Variants in BTBD9 observed in about 807,000 individuals in gnomAD.
BTBD9 encodes BTB/POZ domain-containing protein 9.
BTBD9 carries 49 observed loss-of-function variants against 64.3 expected under a neutral mutation model. The observed-to-expected ratio is 0.76, with a 90% CI of 0.61 to 0.97. The LOEUF (loss-of-function observed/expected upper bound fraction) is 0.97, where lower values mean the gene tolerates loss of function less well. Ranked by LOEUF, BTBD9 falls within the 50% of genes least tolerant of loss-of-function variation. BTBD9 has a pLI of 0.00. For synonymous variants in BTBD9, 260 were observed against 274.7 expected, an observed-to-expected ratio of 0.95 and a Z score of 0.53; for missense variants, 598 against 762.1, an observed-to-expected ratio of 0.78 and a Z score of 2.53.
chr6:38,554,390 G>A (rs868750251), intron 6 of BTBD9, among the ~76,000 whole-genome samples: 7 of 152,256 alleles, frequency 4.6e-5, no homozygotes, highest in African/African-American at 1.4e-4. Context: ...AAAATAAATG[G>A]AAGTGCCAGC....
chr6:38,579,547 A>C (rs1436864574), intron 5 of BTBD9, among the ~76,000 whole-genome samples: 1 of 152,210 alleles, frequency 6.6e-6, no homozygotes, highest in Non-Finnish European at 1.5e-5. Flanking sequence ...CCCCCAAGAA[A>C]CTAAATGGGT....
chr6:38,463,137 A>G (rs1238601394), intron 6 of BTBD9, among the ~76,000 whole-genome samples: 2 of 152,110 alleles, frequency 1.3e-5, no homozygotes, highest in African/African-American at 4.8e-5. Context: ...AGTATTTCAA[A>G]TCTTTTGATG....
At chr6:38,345,179 A>C in intron 6 of BTBD9, 86 bp from the exon 7 acceptor site, 1 of 796,538 alleles carries the variant, frequency 1.3e-6, no homozygotes, top group Non-Finnish European at 2.0e-6. Flanking sequence ...CACGTCACCT[A>C]AACATAGAGT....
At chr6:38,597,858 C>T in intron 2 of BTBD9, 52 bp downstream of exon 2, 3 of 1,467,818 alleles carry the variant, frequency 2.0e-6, no homozygotes, top group Admixed American at 3.6e-5. Flanking sequence ...CAGAAAATAC[C>T]AGTGTTTTCT....
intron 6 of BTBD9, among the ~76,000 whole-genome samples, chr6:38,461,773 T>G (rs930654019): frequency 6.6e-6 from 1 of 152,214 alleles, no homozygotes; most frequent in African/African-American, 2.4e-5. Context: ...CATTTTAGAT[T>G]CCCACCAACA....
rs555431859 is a variant in BTBD9 at position 38,365,649 on chromosome 6, T to C, written c.1155-20556A>G. ...GGCACACGCCTATAATCCCAGCTTC[T>C]CAGAAGACTGAGGTGGGAGGATTGC... On this transcript the variant is annotated intron_variant, in intron 6 of 10. Transcript: ENST00000481247. Among the ~76,000 whole-genome samples, 6 of 151,894 alleles carry C rather than the reference T, an allele frequency of 4.0e-5. No individual in the cohort carries two copies. The East Asian group carries it at 1.2e-3, about 29-fold the overall frequency.
chr6:38,466,216 A>G (rs900241991), intron 6 of BTBD9, among the ~76,000 whole-genome samples: 1 of 148,310 alleles, frequency 6.7e-6, no homozygotes, highest in Non-Finnish European at 1.5e-5. Flanking sequence ...TTTAATATCT[A>G]TGGAATCTGT....
intron 10 of BTBD9, among the ~76,000 whole-genome samples, chr6:38,191,615 G>A (rs1298264369): frequency 6.6e-6 from 1 of 152,214 alleles, no homozygotes; most frequent in Non-Finnish European, 1.5e-5. Flanking sequence ...CCAGACTCGG[G>A]CTCCGCCCAT....
intron 10 of BTBD9, chr6:38,179,437 G>A (rs372049986): frequency 3.3e-5 from 15 of 456,614 alleles, no homozygotes; most frequent in African/African-American, 4.0e-5. Context: ...GGCATACTGC[G>A]GTGCTACAGA....
chr6:38,578,028 A>T (rs1211586347), intron 5 of BTBD9, among the ~76,000 whole-genome samples: 1 of 152,126 alleles, frequency 6.6e-6, no homozygotes, highest in East Asian at 1.9e-4. Context: ...CAAGATATTT[A>T]CTCCTTTTCA....
intron 6 of BTBD9, among the ~76,000 whole-genome samples, chr6:38,380,188 T>C (rs989959584): frequency 6.6e-6 from 1 of 152,236 alleles, no homozygotes. Context: ...TTTTCAAGAA[T>C]ATGGGTGAAA....
intron 6 of BTBD9, among the ~76,000 whole-genome samples, chr6:38,371,826 A>G (rs534550445): frequency 1.3e-5 from 2 of 152,312 alleles, no homozygotes; most frequent in Admixed American, 6.5e-5. Context: ...ATTTATATCA[A>G]TATCTAACCT....
intron 9 of BTBD9, among the ~76,000 whole-genome samples, chr6:38,228,504 G>A (rs1276829293): frequency 6.6e-6 from 1 of 152,082 alleles, no homozygotes; most frequent in African/African-American, 2.4e-5. Context: ...TGTGCATGTA[G>A]AGGGGCAGAA....
At chr6:38,547,654 T>C (rs932332857) in intron 6 of BTBD9, among the ~76,000 whole-genome samples, 3 of 152,184 alleles carry the variant, frequency 2.0e-5, no homozygotes, top group Non-Finnish European at 2.9e-5. Context: ...CATCCGTTCA[T>C]GCTGTTCCTT....
At chr6:38,194,807 G>A (rs932366759) in intron 9 of BTBD9, among the ~76,000 whole-genome samples, 1 of 152,134 alleles carries the variant, frequency 6.6e-6, no homozygotes, top group Non-Finnish European at 1.5e-5. Flanking sequence ...ACGTCAGTCT[G>A]GGCTCTGGGC....
chr6:38,398,773 AT>A (rs1484526562), intron 6 of BTBD9, among the ~76,000 whole-genome samples: 2 of 152,142 alleles, frequency 1.3e-5, no homozygotes, highest in African/African-American at 4.8e-5. Context: ...AGCACTTACC[AT>A]TTTTTCCTAA....
At chr6:38,360,974 G>A (rs1364244817) in intron 6 of BTBD9, among the ~76,000 whole-genome samples, 1 of 152,206 alleles carries the variant, frequency 6.6e-6, no homozygotes, top group Non-Finnish European at 1.5e-5. Context: ...GTGTAAGGGA[G>A]GACCAGGATC....
At chr6:38,620,468 G>T (rs1416458053) in intron 1 of BTBD9, among the ~76,000 whole-genome samples, 1 of 152,134 alleles carries the variant, frequency 6.6e-6, no homozygotes, top group African/African-American at 2.4e-5. Flanking sequence ...TCATCTGTTT[G>T]GTCAGATATT....
chr6:38,388,251 A>C (rs535144823), intron 6 of BTBD9, among the ~76,000 whole-genome samples: 1 of 151,796 alleles, frequency 6.6e-6, no homozygotes, highest in East Asian at 1.9e-4. Flanking sequence ...ACTTTATTAC[A>C]ACAGCTTTGA....
Sources: allele counts gnomAD v4.1 joint callset (sites outside exome capture counted in the v4.1 genomes callset), GRCh38; gene constraint gnomAD v4.1.1; transcripts MANE v1.5; gene names NCBI Gene and HGNC (gene_info 2026-07-23, HGNC 2026-07-21).